The following RECK variants were observed in gnomAD, a reference collection of about 807,000 sequenced individuals.
The protein encoded by RECK is reversion-inducing cysteine-rich protein with Kazal motifs.
In RECK, 69 loss-of-function variants were observed where a neutral mutation model predicts 115.1. The observed-to-expected ratio is 0.60, with a 90% confidence interval of 0.49 to 0.73. RECK has a LOEUF of 0.73. Ranked by LOEUF, RECK falls within the 30% of genes least tolerant of loss-of-function variation. RECK has a pLI of 0.00. For missense variants in RECK, 1,047 were observed against 1,203.7 expected (o/e 0.87, Z 1.93); for synonymous variants, 414 against 419.7 (o/e 0.99, Z 0.17).
rs1564130770 is a variant in RECK at position 36,104,307 on chromosome 9, T to TGC, written c.1436-836_1436-835insGC. 7.0e-3 allele frequency among the ~76,000 whole-genome samples: 447 copies of TGC among 64,126 alleles called. 10 individuals are homozygous for TGC. The highest frequency in any genetic ancestry group is 0.013 in the South Asian group (23 of 1,810). The allele number at this position is 64,126 out of a possible 152,430, so 42.1% of individuals were successfully genotyped here. ...GTGTGTGTGTGTATATATATATATATATATATATATATATATATATTTTTT... is the reference window on the plus strand; with the variant it reads ...GTGTGTGTGTGTATATATATATATATGCATATATATATATATATATATTTTTT... On this transcript the variant is annotated intron_variant, in intron 12 of 20. Transcript: ENST00000377966.
At chr9:36,076,973 T>C (rs991758223) in intron 6 of RECK, among the ~76,000 whole-genome samples, 4 of 152,194 alleles carry the variant, frequency 2.6e-5, no homozygotes, top group African/African-American at 4.8e-5. Flanking sequence ...TGCTTGCTTA[T>C]ACATATCTGG....
At chr9:36,037,730 T>G (rs2132538200) in intron 1 of RECK, among the ~76,000 whole-genome samples, 1 of 151,946 alleles carries the variant, frequency 6.6e-6, no homozygotes, top group African/African-American at 2.4e-5. Flanking sequence ...TGCTGGCCTT[T>G]TGAGTGCACG....
In RECK at chr9:36,055,924, C is replaced by T. The variant is rs184712144; in HGVS notation, c.160-2903C>T. On this transcript the variant is annotated intron_variant, in intron 2 of 20. Coordinates refer to ENST00000377966, the MANE Select transcript of RECK (RefSeq NM_021111.3). ...AGTCTGCTACCAATGTCATATCTTTCGTTTTTTCTTCCTCTTTCTCTTTTC... is the reference window on the plus strand; with the variant it reads ...AGTCTGCTACCAATGTCATATCTTTTGTTTTTTCTTCCTCTTTCTCTTTTC... Among the ~76,000 whole-genome samples the T allele has an allele frequency of 1.5e-4, 23 of 152,158 alleles. No homozygotes were observed. In the East Asian group the frequency reaches 3.9e-3, roughly 25 times the overall value.
At chr9:36,096,755 G>A (rs894973759) in intron 10 of RECK, among the ~76,000 whole-genome samples, 28 of 151,998 alleles carry the variant, frequency 1.8e-4, no homozygotes, top group Admixed American at 3.3e-4. Context: ...CTTTGTGTGG[G>A]CAAAGATTTT....
intron 2 of RECK, among the ~76,000 whole-genome samples, chr9:36,057,598 G>T (rs368565479): frequency 1.3e-5 from 2 of 152,220 alleles, no homozygotes; most frequent in Admixed American, 1.3e-4. Context: ...CGGGCGGATC[G>T]CTTTGAGCTT....
At chr9:36,119,088 C>A in intron 18 of RECK, 121 bp downstream of exon 18, 2 of 984,704 alleles carry the variant, frequency 2.0e-6, no homozygotes, top group East Asian at 2.6e-5. Flanking sequence ...TGAAGAGATT[C>A]TTATGCTGAT....
chr9:36,083,967 CTGGTA>C (rs1373705060), intron 8 of RECK, among the ~76,000 whole-genome samples: 1 of 152,016 alleles, frequency 6.6e-6, no homozygotes, highest in Non-Finnish European at 1.5e-5. Flanking sequence ...CACTACAATG[CTGGTA>C]TAATAGAGAA....
At chr9:36,049,599 G>A (rs748524390) in intron 1 of RECK, among the ~76,000 whole-genome samples, 34 of 152,286 alleles carry the variant, frequency 2.2e-4, no homozygotes, top group African/African-American at 7.9e-4. Flanking sequence ...ATGGGCCACC[G>A]TTTGGGCAAG....
chr9:36,105,000 G>T, intron 12 of RECK, 143 bp from the exon 13 acceptor site: 1 of 582,198 alleles, frequency 1.7e-6, no homozygotes. Context: ...AAAGAATCTC[G>T]GTGTTTTAAT....
chr9:36,058,460 C>CATGG (rs1455187855), intron 2 of RECK, among the ~76,000 whole-genome samples: 2 of 119,524 alleles, frequency 1.7e-5, no homozygotes, highest in Non-Finnish European at 3.3e-5. Flanking sequence ...AATGAGAACA[C>CATGG]ATGGACACAG....
intron 6 of RECK, 133 bp downstream of exon 6, chr9:36,065,757 A>G: frequency 1.6e-6 from 1 of 607,088 alleles, no homozygotes; most frequent in Non-Finnish European, 2.5e-6. Context: ...TTGCATTGAC[A>G]AAAATGTCAT....
intron 6 of RECK, among the ~76,000 whole-genome samples, chr9:36,073,046 CTT>C (rs60660015): frequency 0.026 from 3,845 of 146,306 alleles, 171 homozygotes; most frequent in African/African-American, 0.089. Flanking sequence ...CATTGCTAAC[CTT>C]TTTTTTTTTG....
chr9:36,092,542 A>ATTTTTTT (rs71508011), intron 10 of RECK, among the ~76,000 whole-genome samples: 11 of 117,052 alleles, frequency 9.4e-5, no homozygotes, highest in Non-Finnish European at 1.2e-4. Context: ...CACCCAGCTA[A>ATTTTTTT]TTTTTTTTTT....
intron 9 of RECK, among the ~76,000 whole-genome samples, chr9:36,088,624 T>C (rs1424433993): frequency 6.6e-6 from 1 of 152,244 alleles, no homozygotes; most frequent in Non-Finnish European, 1.5e-5. Flanking sequence ...AAAACAATCT[T>C]TCCTGTGGTT....
At position 36,123,170 on chromosome 9, in the gene RECK, A is replaced by T; in HGVS notation, c.*125A>T. 1.5e-6 allele frequency: 1 copy of T among 660,690 alleles called. No individual in the cohort carries two copies. The highest frequency in any genetic ancestry group is 2.4e-5 in the South Asian group (1 of 41,620). The allele number at this position is 660,690 out of a possible 1,614,324, so 40.9% of individuals were successfully genotyped here. On this transcript the variant is annotated 3_prime_UTR_variant, in exon 21 of 21. Transcript: ENST00000377966. ...GGCACATGTCACCTCTATTCGCCAC[A>T]CAGTATTTTTTTTTTTAATCCGCCA...
intron 20 of RECK, among the ~76,000 whole-genome samples, chr9:36,122,192 G>A (rs755555094): frequency 4.6e-5 from 7 of 152,158 alleles, no homozygotes; most frequent in East Asian, 1.9e-4. Flanking sequence ...CCCCACTCAC[G>A]TAGACCCAAG....
At chr9:36,114,970 C>G (rs1824202885) in intron 16 of RECK, among the ~76,000 whole-genome samples, 1 of 152,000 alleles carries the variant, frequency 6.6e-6, no homozygotes, top group Non-Finnish European at 1.5e-5. Context: ...CACTGTATAC[C>G]ATGTTGTACT....
At chr9:36,103,250 C>G in intron 12 of RECK, among the ~76,000 whole-genome samples, 1 of 152,202 alleles carries the variant, frequency 6.6e-6, no homozygotes, top group East Asian at 1.9e-4. Context: ...TGAAGTCAGC[C>G]TTTGTTTTCC....
chr9:36,104,316 ATATATATATATTTTTTTTTTTTTTTTTT>A (rs1564130875), intron 12 of RECK, among the ~76,000 whole-genome samples: 38 of 57,900 alleles, frequency 6.6e-4, no homozygotes, highest in East Asian at 3.1e-3. Flanking sequence ...ATATATATAT[ATATATATATATTTTTTTTTTTTTTTTTT>A]TTTTTTTTTT....
Sources: allele counts gnomAD v4.1 joint callset (sites outside exome capture counted in the v4.1 genomes callset), GRCh38; gene constraint gnomAD v4.1.1; transcripts MANE v1.5; gene names NCBI Gene and HGNC (gene_info 2026-07-23, HGNC 2026-07-21).